The following NAV2 variants were observed in gnomAD, a reference collection of about 807,000 sequenced individuals.
The protein encoded by NAV2 is neuron navigator 2.
A neutral mutation model predicts 223.2 loss-of-function variants in NAV2; 54 were observed. The ratio of observed to expected loss-of-function variants is 0.24; its 90% confidence interval spans 0.19 to 0.30. The LOEUF (loss-of-function observed/expected upper bound fraction) is 0.30, where lower values mean the gene tolerates loss of function less well. NAV2 is among the 10% of genes least tolerant of loss of function. NAV2 has a pLI of 1.00. For synonymous variants in NAV2, 1,279 were observed against 1,239.3 expected (o/e 1.03, Z -0.67); for missense variants, 2,806 against 3,147.5 (o/e 0.89, Z 2.60).
At chr11:19,504,413 C>T (rs1050417048) in intron 1 of NAV2, 16 of 152,154 alleles carry the variant, frequency 1.1e-4, no homozygotes. Context: ...GGACTCCAAG[C>T]CTGATGGAAG....
intron 1 of NAV2, among the ~76,000 whole-genome samples, chr11:19,723,944 G>A (rs576517158): frequency 1.3e-5 from 2 of 152,346 alleles, no homozygotes; most frequent in African/African-American, 4.8e-5. Flanking sequence ...CTTCCGGTGT[G>A]CAAGCTTTGA....
chr11:19,879,588 G>T (rs1379654579), intron 4 of NAV2, among the ~76,000 whole-genome samples: 1 of 152,136 alleles, frequency 6.6e-6, no homozygotes, highest in Admixed American at 6.5e-5. Context: ...GGTCTTGCTC[G>T]AGACGCTTGC....
chr11:19,652,204 G>A (rs1590039354), intron 1 of NAV2, among the ~76,000 whole-genome samples: 1 of 152,152 alleles, frequency 6.6e-6, no homozygotes, highest in African/African-American at 2.4e-5. Context: ...TCTACCCAGG[G>A]TCAGGGGCTT....
intron 1 of NAV2, among the ~76,000 whole-genome samples, chr11:19,752,573 T>G (rs1367729906): frequency 6.6e-6 from 1 of 152,210 alleles, no homozygotes; most frequent in African/African-American, 2.4e-5. Context: ...TCTGTATATT[T>G]TGTGACCCAT....
intron 1 of NAV2, among the ~76,000 whole-genome samples, chr11:19,411,596 T>C (rs1355175520): frequency 6.6e-6 from 1 of 152,136 alleles, no homozygotes; most frequent in Non-Finnish European, 1.5e-5. Context: ...GGGATAGGGA[T>C]TGGGGAGAGG....
chr11:19,587,096 C>T (rs1034776096), intron 1 of NAV2, among the ~76,000 whole-genome samples: 1 of 152,204 alleles, frequency 6.6e-6, no homozygotes, highest in African/African-American at 2.4e-5. Context: ...CCTCCCCCAG[C>T]CTTGCTGCCG....
intron 1 of NAV2, among the ~76,000 whole-genome samples, chr11:19,444,079 C>T (rs913927734): frequency 6.6e-6 from 1 of 152,098 alleles, no homozygotes; most frequent in Non-Finnish European, 1.5e-5. Context: ...GGACTATAGG[C>T]ACCAGCCACC....
intron 1 of NAV2, among the ~76,000 whole-genome samples, chr11:19,729,469 A>C (rs978321207): frequency 4.6e-5 from 7 of 152,182 alleles, no homozygotes; most frequent in African/African-American, 1.4e-4. Flanking sequence ...AAATATAATG[A>C]ACCCAAGGCA....
intron 1 of NAV2, among the ~76,000 whole-genome samples, chr11:19,697,062 A>G (rs1432069514): frequency 6.6e-6 from 1 of 152,240 alleles, no homozygotes; most frequent in Non-Finnish European, 1.5e-5. Flanking sequence ...AGAGAGCTGT[A>G]CTTACCTCAG....
chr11:19,359,527 G>A (rs1247134492), intron 1 of NAV2, among the ~76,000 whole-genome samples: 1 of 152,192 alleles, frequency 6.6e-6, no homozygotes, highest in Non-Finnish European at 1.5e-5. Context: ...ACATGTTGCA[G>A]CACAATGGGG....
chr11:20,066,090 A>G (rs542927295), intron 20 of NAV2, among the ~76,000 whole-genome samples: 30 of 152,344 alleles, frequency 2.0e-4, no homozygotes, highest in South Asian at 4.1e-4. Flanking sequence ...AAGAGTTGTT[A>G]AAAGGATTAG....
chr11:19,627,656 C>A (rs940717488), intron 1 of NAV2, among the ~76,000 whole-genome samples: 1 of 152,084 alleles, frequency 6.6e-6, no homozygotes, highest in Non-Finnish European at 1.5e-5. Flanking sequence ...CAGTTACAGT[C>A]TGCCCAGCTC....
intron 7 of NAV2, among the ~76,000 whole-genome samples, chr11:19,936,361 A>G (rs1425722317): frequency 6.6e-6 from 1 of 152,204 alleles, no homozygotes; most frequent in African/African-American, 2.4e-5. Flanking sequence ...TGTTCGCTAT[A>G]ATCATTTGAA....
chr11:19,708,006 C>T (rs1380307937), upstream of NAV2, among the ~76,000 whole-genome samples: 1 of 152,240 alleles, frequency 6.6e-6, no homozygotes, highest in African/African-American at 2.4e-5. Context: ...CACATACACA[C>T]ATACATACCC....
intron 20 of NAV2, 131 bp downstream of exon 20, chr11:20,062,490 G>T: frequency 1.5e-6 from 1 of 665,190 alleles, no homozygotes; most frequent in Non-Finnish European, 2.5e-6. Context: ...AATTAATTAG[G>T]GAACAAGATT....
In NAV2 at chr11:20,022,494, G is replaced by T. The variant is rs186420581; in HGVS notation, c.2769-13465G>T. ...TCACCGGAAATAATGTATGTGTGTC[G>T]TTGTTAACTGTACAAACAGGTATCA... On this transcript the variant is annotated intron_variant, in intron 11 of 37. Transcript: ENST00000349880. 1.1e-3 allele frequency: 1,089 copies of T among 960,584 alleles called. 1 individual carries two copies. The highest frequency in any genetic ancestry group is 2.8e-3 in the Admixed American group (45 of 16,258). The allele number at this position is 960,584 out of a possible 1,614,324, so 59.5% of individuals were successfully genotyped here.
chr11:19,705,429 C>T (rs978837268), intron 1 of NAV2, among the ~76,000 whole-genome samples: 1 of 152,210 alleles, frequency 6.6e-6, no homozygotes, highest in African/African-American at 2.4e-5. Context: ...TGTTAGAAGA[C>T]ATTCTTAATT....
intron 1 of NAV2, among the ~76,000 whole-genome samples, chr11:19,514,298 A>C (rs1004882905): frequency 6.6e-6 from 1 of 152,194 alleles, no homozygotes; most frequent in African/African-American, 2.4e-5. Context: ...TGTTGTCCTC[A>C]GTACTAGAAC....
At chr11:19,736,075 G>A (rs1478297543) in intron 1 of NAV2, among the ~76,000 whole-genome samples, 2 of 152,188 alleles carry the variant, frequency 1.3e-5, no homozygotes, top group African/African-American at 4.8e-5. Context: ...GGCAGAGTGA[G>A]GTCCGTGGAG....
Sources: allele counts gnomAD v4.1 joint callset (sites outside exome capture counted in the v4.1 genomes callset), GRCh38; gene constraint gnomAD v4.1.1; transcripts MANE v1.5; gene names NCBI Gene and HGNC (gene_info 2026-07-23, HGNC 2026-07-21).